Variants in LPP observed in about 807,000 individuals in gnomAD.
LPP encodes the protein lipoma-preferred partner.
A neutral mutation model predicts 60.4 loss-of-function variants in LPP; 38 were observed. That is an observed-to-expected ratio of 0.63 (90% CI 0.49 to 0.83). LPP has a LOEUF of 0.83. Among genes scored for constraint, LPP ranks in the 40% least tolerant of loss-of-function variants. The pLI is 0.00. For synonymous variants in LPP, 328 were observed against 290.8 expected (o/e 1.13, Z -1.30); for missense variants, 902 against 783.6 (o/e 1.15, Z -1.80).
chr3:188,533,312 T>C (rs901074006), intron 6 of LPP, among the ~76,000 whole-genome samples: 38 of 152,320 alleles, frequency 2.5e-4, no homozygotes, highest in African/African-American at 9.1e-4. Flanking sequence ...ACATGTAGGC[T>C]ACTGGGAGAT....
chr3:188,213,263 G>A (rs553883083), intron 1 of LPP, among the ~76,000 whole-genome samples: 4 of 152,216 alleles, frequency 2.6e-5, no homozygotes, highest in African/African-American at 9.6e-5. Context: ...AGCATCCACG[G>A]TCTGGAATAC....
intron 9 of LPP, among the ~76,000 whole-genome samples, chr3:188,835,513 G>A (rs953101844): frequency 6.6e-6 from 1 of 152,026 alleles, no homozygotes; most frequent in African/African-American, 2.4e-5. Context: ...TAGCTACTCG[G>A]GAGGCGGAGG....
intron 1 of LPP, among the ~76,000 whole-genome samples, chr3:188,223,183 A>C (rs925426416): frequency 3.3e-5 from 5 of 152,172 alleles, no homozygotes; most frequent in African/African-American, 1.2e-4. Flanking sequence ...GTGGTGTCAA[A>C]ACCATCAATT....
In LPP at chr3:188,807,537, T is replaced by C. The variant is rs113877966; in HGVS notation, c.1410+47255T>C. Among the ~76,000 whole-genome samples the C allele has an allele frequency of 2.4e-4, 36 of 152,214 alleles. 1 individual carries two copies. Among genetic ancestry groups the C allele is most frequent in the African/African-American group, 8.7e-4 (36 of 41,580 alleles). ...GGCTTAATATTTTTCTATAATTCTT[T>C]GATGCTCTGTTCTCTTACTTTTCAC... On this transcript the variant is annotated intron_variant, in intron 9 of 11. Transcript: ENST00000617246.
At chr3:188,830,179 A>G (rs922447288) in intron 9 of LPP, among the ~76,000 whole-genome samples, 7 of 152,148 alleles carry the variant, frequency 4.6e-5, no homozygotes, top group South Asian at 4.1e-4. Context: ...CACACCAAAC[A>G]AAACAAAAGA....
intron 6 of LPP, among the ~76,000 whole-genome samples, chr3:188,565,541 A>G (rs1405000445): frequency 4.6e-5 from 7 of 152,032 alleles, no homozygotes; most frequent in Admixed American, 4.6e-4. Flanking sequence ...TGAGCCCATT[A>G]GAAAGCAATC....
rs1770567795 is a variant in LPP, at chr3:188,885,618, T to G, written c.*11139T>G. 1 of 157,814 alleles carries G rather than the reference T, an allele frequency of 6.3e-6. No individual in the cohort carries two copies. Among genetic ancestry groups the G allele is most frequent in the African/African-American group, 2.4e-5 (1 of 41,632 alleles). The allele number at this position is 157,814 out of a possible 1,614,324, so 9.8% of individuals were successfully genotyped here. On this transcript the variant is annotated 3_prime_UTR_variant, in exon 12 of 12. Transcript: ENST00000617246. ...AAACATAAGTGTGCATGTGTCTTTATAGCAGCATGATTTATAATCCTTTGG... is the reference window on the plus strand; with the variant it reads ...AAACATAAGTGTGCATGTGTCTTTAGAGCAGCATGATTTATAATCCTTTGG...
At chr3:188,786,988 A>C (rs1242029242) in intron 9 of LPP, among the ~76,000 whole-genome samples, 1 of 152,220 alleles carries the variant, frequency 6.6e-6, no homozygotes, top group African/African-American at 2.4e-5. Flanking sequence ...AAAGGACAAT[A>C]GAAGGGATCA....
chr3:188,835,027 G>A (rs1758056310), intron 9 of LPP, among the ~76,000 whole-genome samples: 4 of 152,120 alleles, frequency 2.6e-5, no homozygotes, highest in African/African-American at 4.8e-5. Context: ...ACCTAGTAGT[G>A]TATTTTCCTT....
chr3:188,875,007 A>G lies in LPP; in HGVS notation c.*528A>G. The G allele has an allele frequency of 4.5e-6, 1 of 222,238 alleles. No homozygotes were observed. The highest frequency in any genetic ancestry group is 6.6e-5 in the East Asian group (1 of 15,178). The allele number at this position is 222,238 out of a possible 1,614,324, so 13.8% of individuals were successfully genotyped here. ...ACGTCCTTGGGGAGGGAAATGCACA[A>G]TTTTTTTTTGTTAGGCTGTAAAGAA... On this transcript the variant is annotated 3_prime_UTR_variant, in exon 12 of 12. Coordinates refer to ENST00000617246, the MANE Select transcript of LPP (RefSeq NM_001375462.1).
At chr3:188,576,438 A>G (rs972007962) in intron 6 of LPP, among the ~76,000 whole-genome samples, 5 of 152,178 alleles carry the variant, frequency 3.3e-5, no homozygotes, top group African/African-American at 7.2e-5. Flanking sequence ...TAGTACCTCT[A>G]TGATTTTCAT....
intron 9 of LPP, among the ~76,000 whole-genome samples, chr3:188,833,485 T>G (rs1441043339): frequency 1.3e-5 from 2 of 152,200 alleles, no homozygotes; most frequent in Non-Finnish European, 2.9e-5. Flanking sequence ...GTATACAGCT[T>G]GGCTATTTTG....
At chr3:188,299,759 A>G (rs957966116) in intron 2 of LPP, among the ~76,000 whole-genome samples, 7 of 152,094 alleles carry the variant, frequency 4.6e-5, no homozygotes, top group Admixed American at 4.6e-4. Context: ...ACTAAGACAA[A>G]ACTCCTTTCT....
chr3:188,536,196 A>T (rs1388557516), intron 6 of LPP, among the ~76,000 whole-genome samples: 1 of 151,990 alleles, frequency 6.6e-6, no homozygotes, highest in East Asian at 1.9e-4. Flanking sequence ...TTTAGTAGAG[A>T]CAGGTTTTCT....
intron 2 of LPP, among the ~76,000 whole-genome samples, chr3:188,287,260 T>C (rs931802118): frequency 6.6e-6 from 1 of 152,216 alleles, no homozygotes; most frequent in Non-Finnish European, 1.5e-5. Flanking sequence ...TGGCTTATAA[T>C]ATTCAAGTGT....
At chr3:188,611,871 G>GCCCCCA (rs1455009151) in intron 7 of LPP, among the ~76,000 whole-genome samples, 1 of 152,170 alleles carries the variant, frequency 6.6e-6, no homozygotes, top group East Asian at 1.9e-4. Flanking sequence ...AAAAGAATCA[G>GCCCCCA]CCCCCACTGC....
At chr3:188,847,721 A>G (rs1052838474) in intron 9 of LPP, among the ~76,000 whole-genome samples, 2 of 152,228 alleles carry the variant, frequency 1.3e-5, no homozygotes, top group Admixed American at 1.3e-4. Flanking sequence ...AAACAAATCA[A>G]GAAATTGGGA....
At chr3:188,380,050 C>G (rs1776443081) in intron 3 of LPP, among the ~76,000 whole-genome samples, 1 of 152,064 alleles carries the variant, frequency 6.6e-6, no homozygotes, top group Non-Finnish European at 1.5e-5. Context: ...TTTTTCTCCC[C>G]CATAATGAGA....
chr3:188,853,743 T>C (rs1169706898), intron 9 of LPP, among the ~76,000 whole-genome samples: 1 of 152,202 alleles, frequency 6.6e-6, no homozygotes, highest in African/African-American at 2.4e-5. Context: ...TTTCCTTTGA[T>C]AGTAAACATA....
Sources: gnomAD v4.1 joint callset for allele counts (sites outside exome capture counted in the v4.1 genomes callset) on GRCh38, gnomAD v4.1.1 for gene constraint, MANE v1.5 for transcripts, NCBI Gene and HGNC (gene_info 2026-07-23, HGNC 2026-07-21) for gene names.